The following USP3 variants were observed in gnomAD, a reference collection of about 807,000 sequenced individuals.
USP3 encodes the protein ubiquitin carboxyl-terminal hydrolase 3.
USP3 carries 20 observed loss-of-function variants against 72.3 expected under a neutral mutation model. That is an observed-to-expected ratio of 0.28 (90% CI 0.19 to 0.40). The LOEUF (loss-of-function observed/expected upper bound fraction) is 0.40. USP3 is among the 10% of genes least tolerant of loss of function. The pLI is 1.00. For synonymous variants in USP3, 222 were observed against 225.3 expected, an observed-to-expected ratio of 0.99 and a Z score of 0.13; for missense variants, 479 against 633.9, an observed-to-expected ratio of 0.76 and a Z score of 2.62.
chr15:63,574,517 A>C lies in USP3; in HGVS notation c.1096+114A>C, dbSNP rs2066830867. The stretch of plus-strand genomic sequence containing the variant: ...ATATCTTTAATGAATCTGTGTTGTA[A>C]CTTAACAAAAGTCAAACTTGAATGT... On this transcript the variant is annotated intron_variant, in intron 11 of 14. Coordinates refer to ENST00000380324, the MANE Select transcript of USP3 (RefSeq NM_006537.4). This position sits in a 1 kb window ranked among gnomAD's most constrained non-coding sequence, Gnocchi z 4.6. The C allele has an allele frequency of 9.2e-6, 7 of 760,686 alleles. No individual in the cohort carries two copies. In the South Asian group the frequency reaches 1.5e-4, roughly 17 times the overall value. 47.1% of individuals were successfully genotyped at this position (760,686 alleles called of 1,614,324 possible).
Position 63,588,196 on chromosome 15 carries a change from G to A in USP3, c.1097-109G>A. 1 of 769,854 alleles carries A rather than the reference G, an allele frequency of 1.3e-6. No homozygotes were observed. The highest frequency in any genetic ancestry group is 2.0e-6 in the Non-Finnish European group (1 of 489,302). The allele number at this position is 769,854 out of a possible 1,614,324, so 47.7% of individuals were successfully genotyped here. A position where few individuals can be genotyped will look rare whatever the true frequency, so the allele number is the denominator to read the frequency against. ...AATTGAGAAAGGTTAACTTTTCTAA[G>A]GTCGTATAGCTAATAAAGCTGAGAT... On this transcript the variant is annotated intron_variant, in intron 11 of 14. Transcript: ENST00000380324. The surrounding 1 kb of genome is among the most constrained non-coding windows in gnomAD (Gnocchi z 4.6).
At chr15:63,507,289 G>C (rs962562533) in intron 1 of USP3, among the ~76,000 whole-genome samples, 1 of 152,148 alleles carries the variant, frequency 6.6e-6, no homozygotes, top group Non-Finnish European at 1.5e-5. Context: ...AGACAGCCAA[G>C]CAAATTGCAA....
rs752669576 is a variant in USP3 at position 63,556,625 on chromosome 15, A to G, written c.369-42A>G. ...TTCTTTCACCTGTGGTGTAGCATGC[A>G]TATATTAATAACTTTTTCACTATCT... On this transcript the variant is annotated intron_variant, in intron 4 of 14. Coordinates refer to ENST00000380324, the MANE Select transcript of USP3 (RefSeq NM_006537.4). The G allele has an allele frequency of 8.0e-6, 12 of 1,497,174 alleles. No individual in the cohort carries two copies. The South Asian group carries it at 1.1e-4, about 14-fold the overall frequency. 92.7% of individuals were successfully genotyped at this position (1,497,174 alleles called of 1,614,324 possible).
At chr15:63,522,458 A>G (rs1342812006) in intron 1 of USP3, among the ~76,000 whole-genome samples, 2 of 152,234 alleles carry the variant, frequency 1.3e-5, no homozygotes, top group African/African-American at 4.8e-5. Flanking sequence ...GACATGGGAA[A>G]GGTTGGGAAA....
chr15:63,567,010 C>T (rs1234532330), intron 8 of USP3, among the ~76,000 whole-genome samples: 1 of 152,020 alleles, frequency 6.6e-6, no homozygotes, highest in Admixed American at 6.6e-5. Context: ...TTTCTACATA[C>T]AATATATACA....
At chr15:63,542,282 A>C in intron 3 of USP3, 1 of 805,418 alleles carries the variant, frequency 1.2e-6, no homozygotes, top group Non-Finnish European at 1.5e-6. Context: ...GTGAAGAATT[A>C]AGTGTTTTTT....
chr15:63,589,937 A>G (rs115725619), intron 14 of USP3, among the ~76,000 whole-genome samples: 3,860 of 152,150 alleles, frequency 0.025, 143 homozygotes, highest in African/African-American at 0.087. Context: ...GTAACAGCCT[A>G]TTCTTGTTTT....
intron 11 of USP3, among the ~76,000 whole-genome samples, chr15:63,581,008 G>A (rs1309421877): frequency 2.0e-5 from 3 of 152,034 alleles, no homozygotes; most frequent in Non-Finnish European, 2.9e-5. Flanking sequence ...GGTTCACCAT[G>A]TTGGCCAGGC....
intron 1 of USP3, among the ~76,000 whole-genome samples, chr15:63,521,614 G>A (rs1268461877): frequency 1.3e-5 from 2 of 152,184 alleles, no homozygotes; most frequent in Non-Finnish European, 2.9e-5. Flanking sequence ...CCGATCATAG[G>A]CCCTGGGTCA....
intron 1 of USP3, among the ~76,000 whole-genome samples, chr15:63,526,989 G>T (rs549617176): frequency 6.6e-6 from 1 of 152,304 alleles, no homozygotes; most frequent in South Asian, 2.1e-4. Flanking sequence ...TGACTTCCTG[G>T]GCTCACGGGA....
At chr15:63,581,721 G>GTC (rs1328508669) in intron 11 of USP3, among the ~76,000 whole-genome samples, 1 of 148,428 alleles carries the variant, frequency 6.7e-6, no homozygotes, top group Non-Finnish European at 1.5e-5. Context: ...AAAAGACAGG[G>GTC]TCTCACTCTG....
At chr15:63,536,367 C>G (rs1250697288) in intron 2 of USP3, among the ~76,000 whole-genome samples, 1 of 151,434 alleles carries the variant, frequency 6.6e-6, no homozygotes, top group African/African-American at 2.4e-5. Context: ...TGAGCAGAGT[C>G]TATGGCCCTG....
chr15:63,520,918 A>G (rs1399800956), intron 1 of USP3, among the ~76,000 whole-genome samples: 1 of 152,042 alleles, frequency 6.6e-6, no homozygotes, highest in Non-Finnish European at 1.5e-5. Context: ...CTTTTTGAGT[A>G]TATAAAACAT....
intron 11 of USP3, chr15:63,587,959 A>G (rs1595780278): frequency 5.7e-6 from 1 of 176,090 alleles, no homozygotes; most frequent in African/African-American, 2.4e-5. Flanking sequence ...TGTCCTGTAT[A>G]ATGTAACATA....
chr15:63,514,613 G>A (rs2065827955), intron 1 of USP3, among the ~76,000 whole-genome samples: 1 of 152,052 alleles, frequency 6.6e-6, no homozygotes, highest in South Asian at 2.1e-4. Context: ...CAGAGAATGA[G>A]GAAGAGAATT....
At chr15:63,563,040 T>C (rs1248610739) in intron 8 of USP3, 32 bp downstream of exon 8, 1 of 1,457,338 alleles carries the variant, frequency 6.9e-7, no homozygotes, top group Non-Finnish European at 9.5e-7. Flanking sequence ...TTTTAAACAT[T>C]AATATTAGTG....
chr15:63,560,026 A>C, intron 7 of USP3, 56 bp downstream of exon 7: 1 of 1,484,960 alleles, frequency 6.7e-7, no homozygotes, highest in Non-Finnish European at 9.2e-7. Flanking sequence ...AATTACTTTC[A>C]CTGGTGGTTT....
intron 1 of USP3, among the ~76,000 whole-genome samples, chr15:63,509,163 G>A (rs918080602): frequency 2.6e-5 from 4 of 152,098 alleles, no homozygotes; most frequent in African/African-American, 4.8e-5. Context: ...TTTAACACTC[G>A]TTTGCCCAGT....
At chr15:63,513,185 T>C (rs1482401138) in intron 1 of USP3, among the ~76,000 whole-genome samples, 1 of 152,232 alleles carries the variant, frequency 6.6e-6, no homozygotes, top group Non-Finnish European at 1.5e-5. Context: ...TTGGCCTGTT[T>C]ATCCTTCACC....
Sources: allele counts gnomAD v4.1 joint callset (sites outside exome capture counted in the v4.1 genomes callset), GRCh38; gene constraint gnomAD v4.1.1; non-coding constraint Gnocchi (gnomAD v3.1); transcripts MANE v1.5; gene names NCBI Gene and HGNC (gene_info 2026-07-23, HGNC 2026-07-21).